CUBN: variants seen among roughly 807,000 people sequenced by gnomAD.
The protein encoded by CUBN is cubilin, also known as 460 kDa receptor.
CUBN carries 282 observed loss-of-function variants against 405.3 expected under a neutral mutation model. The observed-to-expected ratio is 0.70, with a 90% confidence interval of 0.63 to 0.77. The LOEUF is 0.77. CUBN is among the 30% of genes least tolerant of loss of function. CUBN has a pLI of 0.00. For synonymous variants in CUBN, 1,684 were observed against 1,617.0 expected (o/e 1.04, Z -0.99); for missense variants, 4,514 against 4,475.2 (o/e 1.01, Z -0.25).
intron 51 of CUBN, 60 bp downstream of exon 51, chr10:16,903,905 AT>A: frequency 8.6e-7 from 1 of 1,161,634 alleles, no homozygotes; most frequent in South Asian, 1.5e-5. Context: ...TGAAATCTTT[AT>A]GGAAAAAAAT....
At chr10:17,123,763 G>T in intron 4 of CUBN, 74 bp from the exon 5 acceptor site, 1 of 974,620 alleles carries the variant, frequency 1.0e-6, no homozygotes, top group Non-Finnish European at 1.6e-6. Context: ...CCGTGCACGT[G>T]GGATTACATT....
intron 40 of CUBN, among the ~76,000 whole-genome samples, chr10:16,931,323 C>T (rs1842359314): frequency 6.6e-6 from 1 of 151,366 alleles, no homozygotes; most frequent in Admixed American, 6.6e-5. Flanking sequence ...TAAATGACTA[C>T]AATACTCACC....
intron 28 of CUBN, among the ~76,000 whole-genome samples, chr10:17,015,517 C>T (rs964595878): frequency 6.6e-6 from 1 of 152,152 alleles, no homozygotes; most frequent in Non-Finnish European, 1.5e-5. Context: ...GATGGTAAAA[C>T]CTTGAGGACA....
intron 66 of CUBN, among the ~76,000 whole-genome samples, chr10:16,828,386 A>C (rs1838858152): frequency 6.6e-6 from 1 of 152,196 alleles, no homozygotes; most frequent in South Asian, 2.1e-4. Flanking sequence ...AATTTGTTAA[A>C]GGCTGTGCTT....
At chr10:16,952,232 C>G (rs768856596) in intron 33 of CUBN, 44 bp downstream of exon 33, 10 of 1,395,454 alleles carry the variant, frequency 7.2e-6, no homozygotes, top group African/African-American at 1.4e-5. Context: ...CCCACAGACA[C>G]CTTCTCTCCT....
chr10:16,973,753 G>T (rs555843226), intron 31 of CUBN, among the ~76,000 whole-genome samples: 79 of 152,226 alleles, frequency 5.2e-4, no homozygotes, highest in Non-Finnish European at 7.6e-4. Context: ...TTAGTTTTCT[G>T]TTCCTGTGTT....
chr10:16,982,718 CT>C, intron 30 of CUBN, 65 bp from the exon 31 acceptor site: 1 of 1,401,298 alleles, frequency 7.1e-7, no homozygotes, highest in Non-Finnish European at 9.9e-7. Flanking sequence ...AATCCATTAC[CT>C]GGTTGTATAG....
intron 6 of CUBN, among the ~76,000 whole-genome samples, chr10:17,120,024 T>C (rs1472686604): frequency 6.6e-6 from 1 of 152,248 alleles, no homozygotes; most frequent in African/African-American, 2.4e-5. Flanking sequence ...AGAAACTGAA[T>C]GAGGTCCAAA....
rs754232298 is a variant in CUBN at position 16,939,008 on chromosome 10, C to A, written c.5688G>T (p.Glu1896Asp). The A allele has an allele frequency of 6.2e-7, 1 of 1,613,864 alleles. No individual in the cohort carries two copies. The highest frequency in any genetic ancestry group is 1.1e-5 in the South Asian group (1 of 91,076). The change falls in exon 38 of 67, where the codon GAG (glutamate) becomes GAT (aspartate). Residue 1896 changes from glutamate (E) to aspartate (D), a missense_variant. Glu to Asp is a conservative substitution (Grantham distance 45). Transcript: ENST00000377833. ...AGTTTTGTATTTCTTCTATGTCCATCTCCAAGATTCTACCATGGACAACGT... is the reference window on the plus strand; with the variant it reads ...AGTTTTGTATTTCTTCTATGTCCATATCCAAGATTCTACCATGGACAACGT... The part of the protein sequence containing the change: ...ASHVVHGRIL[E>D]MDIEEIQNCY...
chr10:17,089,680 T>A (rs992834832), intron 14 of CUBN, among the ~76,000 whole-genome samples: 2 of 152,170 alleles, frequency 1.3e-5, no homozygotes, highest in African/African-American at 2.4e-5. Context: ...CATAAGAGAA[T>A]ATAGCAATAC....
chr10:17,111,416 T>G (rs964801169), intron 8 of CUBN, among the ~76,000 whole-genome samples: 2 of 152,166 alleles, frequency 1.3e-5, no homozygotes, highest in Non-Finnish European at 2.9e-5. Context: ...AGTATACATC[T>G]TAGTATACTG....
Position 17,071,561 on chromosome 10 carries a change from A to G in CUBN, c.2490T>C (p.Pro830=). Residue 830 remains proline (P), a synonymous_variant, in exon 19 of 67, where the codon CCT becomes CCC. Transcript: ENST00000377833. The part of the protein sequence containing the change: ...ELTGEGVIRS[P]FFPNVYPGER... ...CTCCAGGATACACGTTAGGAAAAAA[A>G]GGCGAGCGAATGACCCCTTCTCCAG... 4.3e-6 allele frequency: 7 copies of G among 1,613,908 alleles called. No homozygotes were observed. Among genetic ancestry groups the G allele is most frequent in the Non-Finnish European group, 5.1e-6 (6 of 1,179,896 alleles).
intron 28 of CUBN, among the ~76,000 whole-genome samples, chr10:17,016,209 T>C (rs1834324503): frequency 1.3e-5 from 2 of 152,012 alleles, no homozygotes; most frequent in East Asian, 1.9e-4. Context: ...CCCTGAGTTA[T>C]GGTGGACATC....
chr10:16,969,727 G>C (rs577702068), intron 31 of CUBN, among the ~76,000 whole-genome samples: 1 of 152,200 alleles, frequency 6.6e-6, no homozygotes, highest in South Asian at 2.1e-4. Context: ...GACACCAAGA[G>C]TAATGGCTGT....
chr10:17,105,701 C>A (rs1310827387), intron 10 of CUBN, 126 bp from the exon 11 acceptor site: 7 of 687,890 alleles, frequency 1.0e-5, no homozygotes, highest in Non-Finnish European at 1.9e-5. Flanking sequence ...TTTTGACGGG[C>A]AGACAAAACA....
chr10:17,014,619 G>A (rs971540238), intron 28 of CUBN, among the ~76,000 whole-genome samples: 1 of 152,232 alleles, frequency 6.6e-6, no homozygotes, highest in Admixed American at 6.5e-5. Flanking sequence ...AGGCAAAGCT[G>A]GGTCTTCGAC....
chr10:17,002,121 A>G (rs993011702), intron 28 of CUBN, among the ~76,000 whole-genome samples: 1 of 152,256 alleles, frequency 6.6e-6, no homozygotes, highest in African/African-American at 2.4e-5. Flanking sequence ...TCAATGGTCG[A>G]AAAGAGAAAC....
At chr10:16,862,105 C>T (rs919831391) in intron 59 of CUBN, among the ~76,000 whole-genome samples, 3 of 151,808 alleles carry the variant, frequency 2.0e-5, no homozygotes, top group Non-Finnish European at 4.4e-5. Context: ...GCGGAGATCA[C>T]GCCATTGCAC....
intron 28 of CUBN, among the ~76,000 whole-genome samples, chr10:17,001,965 C>G (rs1271576606): frequency 6.6e-6 from 1 of 152,200 alleles, no homozygotes; most frequent in Non-Finnish European, 1.5e-5. Context: ...GTGGTAGTTA[C>G]TGTCCTCCAC....
Sources: gnomAD v4.1 joint callset for allele counts (sites outside exome capture counted in the v4.1 genomes callset) on GRCh38, gnomAD v4.1.1 for gene constraint, MANE v1.5 for transcripts, NCBI Gene and HGNC (gene_info 2026-07-23, HGNC 2026-07-21) for gene names.